The following DMD variants were observed in gnomAD, a reference collection of about 807,000 sequenced individuals.
The protein encoded by DMD is dystrophin.
Under a neutral mutation model 330.1 loss-of-function variants are expected in DMD, and 63 were observed. That is an observed-to-expected ratio of 0.19 (90% CI 0.16 to 0.24). DMD has a LOEUF of 0.24. DMD is among the 10% of genes least tolerant of loss of function. The pLI is 1.00. For synonymous variants in DMD, 1,223 were observed against 959.8 expected (o/e 1.27, Z -5.07); for missense variants, 3,344 against 2,684.1 (o/e 1.25, Z -5.43).
chrX:31,656,518 A>G (rs2080795615), intron 54 of DMD, among the ~76,000 whole-genome samples: 2 of 111,423 alleles, frequency 1.8e-5, no homozygotes, highest in South Asian at 7.6e-4. Flanking sequence ...TATTACCTAA[A>G]CTCATCAAAT....
chrX:31,954,168 C>T (rs1409877374), intron 45 of DMD, among the ~76,000 whole-genome samples: 1 of 111,599 alleles, frequency 9.0e-6, no homozygotes, highest in African/African-American at 3.3e-5. Context: ...TAAAGAGTTA[C>T]ACCAACAGAG....
chrX:33,332,516 G>A (rs149576274), intron 1 of DMD, among the ~76,000 whole-genome samples: 5,487 of 110,754 alleles, frequency 0.05, 174 homozygotes, highest in Middle Eastern at 0.1. Context: ...ATACTAAGAC[G>A]GCCATCTCCT....
At chrX:32,759,503 G>A (rs1384287222) in intron 7 of DMD, among the ~76,000 whole-genome samples, 1 of 110,985 alleles carries the variant, frequency 9.0e-6, no homozygotes, top group African/African-American at 3.3e-5. Context: ...CGGCACACCT[G>A]GCAACATGGG....
At chrX:33,183,485 A>G (rs958168620) in intron 1 of DMD, among the ~76,000 whole-genome samples, 1 of 111,842 alleles carries the variant, frequency 8.9e-6, no homozygotes, top group Non-Finnish European at 1.9e-5. Flanking sequence ...CTGCCACTAC[A>G]AAAGAATGAG....
intron 16 of DMD, among the ~76,000 whole-genome samples, chrX:32,548,741 T>G (rs2049227070): frequency 9.0e-6 from 1 of 111,586 alleles, no homozygotes; most frequent in Non-Finnish European, 1.9e-5. Context: ...CAAAGAAAAA[T>G]TTTGAAAGTT....
At chrX:32,289,907 C>T (rs1264747713) in intron 42 of DMD, among the ~76,000 whole-genome samples, 2 of 111,788 alleles carry the variant, frequency 1.8e-5, no homozygotes, top group African/African-American at 3.3e-5. Flanking sequence ...CACTGCACTG[C>T]CTACGGAGTG....
intron 64 of DMD, among the ~76,000 whole-genome samples, chrX:31,214,042 G>A (rs1326641719): frequency 1.1e-4 from 1 of 9,163 alleles, no homozygotes; most frequent in Non-Finnish European, 3.5e-4. Flanking sequence ...CTGATGGCAA[G>A]GCTGCTAAAA....
chrX:31,890,583 C>T (rs1235086675), intron 47 of DMD, among the ~76,000 whole-genome samples: 1 of 107,279 alleles, frequency 9.3e-6, no homozygotes, highest in Non-Finnish European at 2.0e-5. Flanking sequence ...TGTTACAAGC[C>T]GTACTACACT....
intron 1 of DMD, among the ~76,000 whole-genome samples, chrX:33,022,790 C>T (rs924176096): frequency 9.0e-6 from 1 of 111,306 alleles, no homozygotes; most frequent in African/African-American, 3.3e-5. Flanking sequence ...ATTATAATTG[C>T]ATAATTAACA....
In DMD at chrX:31,770,362, C is replaced by G. The variant is rs183080168; in HGVS notation, c.7542+3598G>C. Among the ~76,000 whole-genome samples the G allele has an allele frequency of 1.1e-3, 125 of 111,803 alleles. 1 individual carries two copies. The highest frequency in any genetic ancestry group is 3.9e-3 in the African/African-American group (121 of 30,856). On this transcript the variant is annotated intron_variant, in intron 51 of 78. Coordinates refer to ENST00000357033, the MANE Select transcript of DMD (RefSeq NM_004006.3). ...GGATTCCCATTATTTAGCCCCAGTC[C>G]TCTCTATTCAACCTCATCAATTTCT...
At chrX:32,286,333 C>T (rs550330110) in intron 43 of DMD, among the ~76,000 whole-genome samples, 18 of 111,493 alleles carry the variant, frequency 1.6e-4, no homozygotes, top group South Asian at 1.5e-3. Context: ...AAACAATATC[C>T]AAGTTTCCAG....
chrX:31,778,109 T>G, intron 50 of DMD, among the ~76,000 whole-genome samples: 1 of 112,659 alleles, frequency 8.9e-6, no homozygotes, highest in Non-Finnish European at 1.9e-5. Flanking sequence ...AAATGTCAAC[T>G]CTAGATTTCT....
intron 51 of DMD, among the ~76,000 whole-genome samples, chrX:31,743,151 G>A (rs778544299): frequency 4.5e-5 from 5 of 111,627 alleles, no homozygotes; most frequent in Non-Finnish European, 9.4e-5. Flanking sequence ...ACGAGATACC[G>A]TCTCACACCA....
chrX:32,441,295 T>G lies in DMD; in HGVS notation c.3806A>C (p.His1269Pro), dbSNP rs775892814. The G allele has an allele frequency of 1.7e-6, 2 of 1,205,686 alleles. No individual in the cohort carries two copies. Among genetic ancestry groups the G allele is most frequent in the Non-Finnish European group, 2.2e-6 (2 of 891,606 alleles). ...TTTCTCCAAGTATGACAATAACTCA[T>G]GCCAACATGCCCAAACTTCCTAAGA... is the stretch of plus-strand genomic sequence containing the variant. Reference protein sequence around the residue: ...KTLEEVWACWHELLSYLEKAN... With the variant: ...KTLEEVWACWPELLSYLEKAN... The change falls in exon 28 of 79, where the codon CAT (histidine) becomes CCT (proline). Residue 1269 changes from histidine to proline, a missense_variant. Transcript: ENST00000357033.
At chrX:31,337,528 C>T (rs2057472415) in intron 61 of DMD, among the ~76,000 whole-genome samples, 1 of 112,091 alleles carries the variant, frequency 8.9e-6, no homozygotes, top group Non-Finnish European at 1.9e-5. Context: ...GGAAAACATC[C>T]AAATGGAAAA....
intron 7 of DMD, among the ~76,000 whole-genome samples, chrX:32,775,498 T>TTC (rs1334651132): frequency 8.8e-6 from 1 of 113,363 alleles, no homozygotes; most frequent in Admixed American, 9.2e-5. Context: ...ACCTCATTTC[T>TTC]TGCCTTCTGC....
intron 8 of DMD, 31 bp downstream of exon 8, chrX:32,699,080 CT>C (rs2063884702): frequency 8.5e-7 from 1 of 1,172,633 alleles, no homozygotes; most frequent in African/African-American, 1.8e-5. Flanking sequence ...CAGAAAACAT[CT>C]TGAATAGTAG....
At chrX:33,237,854 C>A (rs2052516524) in intron 1 of DMD, among the ~76,000 whole-genome samples, 1 of 111,789 alleles carries the variant, frequency 8.9e-6, no homozygotes, top group Admixed American at 9.5e-5. Flanking sequence ...GTAATAAAAA[C>A]TGAGAATGTG....
chrX:31,302,753 T>C (rs1728244357), intron 62 of DMD, among the ~76,000 whole-genome samples: 1 of 111,204 alleles, frequency 9.0e-6, no homozygotes, highest in Non-Finnish European at 1.9e-5. Flanking sequence ...AGTAACAGTT[T>C]GGTGCAATTA....
Sources: allele counts gnomAD v4.1 joint callset (sites outside exome capture counted in the v4.1 genomes callset), GRCh38; gene constraint gnomAD v4.1.1; transcripts MANE v1.5; gene names NCBI Gene and HGNC (gene_info 2026-07-23, HGNC 2026-07-21).